The following MAPK10 variants were observed in gnomAD, a reference collection of about 807,000 sequenced individuals.
MAPK10 encodes JNK3 alpha protein kinase.
In MAPK10, 25 loss-of-function variants were observed where a neutral mutation model predicts 59.3. The observed-to-expected ratio is 0.42, with a 90% confidence interval of 0.31 to 0.59. The LOEUF (loss-of-function observed/expected upper bound fraction) is 0.59, where lower values mean the gene tolerates loss of function less well. Among genes scored for constraint, MAPK10 ranks in the 20% least tolerant of loss-of-function variants. The probability of loss-of-function intolerance (pLI) is 0.15; values close to 1 mark genes in which losing one functional copy is unlikely to be tolerated. For missense variants in MAPK10, 351 were observed against 568.9 expected, an observed-to-expected ratio of 0.62 and a Z score of 3.90; for synonymous variants, 190 against 200.5, an observed-to-expected ratio of 0.95 and a Z score of 0.44.
In MAPK10 at chr4:86,011,760, C is replaced by T. The variant is rs975783773; in HGVS notation, c.*5468G>A. The T allele has an allele frequency of 2.0e-5, 3 of 152,146 alleles. No individual in the cohort carries two copies. The highest frequency in any genetic ancestry group is 6.5e-5 in the Admixed American group (1 of 15,276). 9.4% of individuals were successfully genotyped at this position (152,146 alleles called of 1,614,324 possible). On this transcript the variant is annotated 3_prime_UTR_variant, in exon 14 of 14. Coordinates refer to ENST00000641462, the MANE Select transcript of MAPK10 (RefSeq NM_138982.4). ...GTTGCTTTCTATATTCCAACAGGAA[C>T]TAGGTAAAACGATAAATGTGATAAC...
intron 1 of MAPK10, among the ~76,000 whole-genome samples, chr4:86,375,101 C>T (rs115804887): frequency 3.4e-3 from 518 of 152,214 alleles, no homozygotes; most frequent in Non-Finnish European, 5.6e-3. Flanking sequence ...TAAATCATTA[C>T]AGTGATGGGA....
chr4:86,560,282 C>T (rs1432355585), intron 1 of MAPK10, among the ~76,000 whole-genome samples: 1 of 152,170 alleles, frequency 6.6e-6, no homozygotes, highest in Non-Finnish European at 1.5e-5. Context: ...TAGCAAACCT[C>T]AATTGGTGGA....
chr4:86,190,769 T>C (rs966409209), intron 3 of MAPK10, among the ~76,000 whole-genome samples: 1 of 152,202 alleles, frequency 6.6e-6, no homozygotes, highest in Non-Finnish European at 1.5e-5. Flanking sequence ...ATCTTAGTTA[T>C]TTCTTGTCCT....
At chr4:86,149,085 T>C (rs1206220331) in intron 4 of MAPK10, among the ~76,000 whole-genome samples, 1 of 152,162 alleles carries the variant, frequency 6.6e-6, no homozygotes, top group African/African-American at 2.4e-5. Context: ...CATTCCATTG[T>C]TCCCAAATTT....
At position 86,047,575 on chromosome 4, in the gene MAPK10, T is replaced by C. The variant is rs1003380027; in HGVS notation, c.1111-16144A>G. Among the ~76,000 whole-genome samples, 3 of 152,188 alleles carry C rather than the reference T, an allele frequency of 2.0e-5. No homozygotes were observed. The East Asian group carries it at 5.8e-4, about 29-fold the overall frequency. On this transcript the variant is annotated intron_variant, in intron 11 of 13. Coordinates refer to ENST00000641462, the MANE Select transcript of MAPK10 (RefSeq NM_138982.4). ...GTGTCATCACTAGCACCTTTTAGTG[T>C]AACTAAGAAGAGTAAAATGAGATAG...
chr4:86,071,044 C>A (rs1169528569), intron 9 of MAPK10, among the ~76,000 whole-genome samples: 1 of 151,720 alleles, frequency 6.6e-6, no homozygotes, highest in East Asian at 2.0e-4. Context: ...CACATCCTCT[C>A]CAGCACCTGT....
intron 2 of MAPK10, among the ~76,000 whole-genome samples, chr4:86,343,960 C>T (rs1428479859): frequency 6.6e-6 from 1 of 152,118 alleles, no homozygotes; most frequent in African/African-American, 2.4e-5. Context: ...TAAATATTTA[C>T]AATTTTATAT....
At chr4:86,391,824 A>C (rs957305036) in intron 1 of MAPK10, among the ~76,000 whole-genome samples, 5 of 152,214 alleles carry the variant, frequency 3.3e-5, no homozygotes, top group East Asian at 3.8e-4. Flanking sequence ...ATTCACACTT[A>C]CTTCCTTCCA....
At chr4:86,248,204 G>A (rs1441483518) in intron 2 of MAPK10, among the ~76,000 whole-genome samples, 1 of 152,170 alleles carries the variant, frequency 6.6e-6, no homozygotes, top group Non-Finnish European at 1.5e-5. Context: ...ATTTCTCAGT[G>A]TGTCATTGGT....
intron 3 of MAPK10, chr4:86,193,625 G>GGTCGACTT (rs1241413863): frequency 1.3e-5 from 2 of 152,490 alleles, no homozygotes; most frequent in African/African-American, 2.4e-5. Flanking sequence ...GAGCATCCCA[G>GGTCGACTT]GTCGACTTCA....
intron 1 of MAPK10, among the ~76,000 whole-genome samples, chr4:86,559,921 G>C (rs1435666885): frequency 1.4e-5 from 2 of 144,228 alleles, no homozygotes; most frequent in Admixed American, 7.1e-5. Context: ...CCTGGCAACA[G>C]AGCAAGACTT....
chr4:86,270,858 A>T (rs2094412532), intron 2 of MAPK10, among the ~76,000 whole-genome samples: 1 of 152,100 alleles, frequency 6.6e-6, no homozygotes, highest in African/African-American at 2.4e-5. Flanking sequence ...TTAATAGTTG[A>T]TGAAATATTT....
upstream of MAPK10, among the ~76,000 whole-genome samples, chr4:86,455,817 A>G (rs1014288161): frequency 3.9e-5 from 6 of 152,188 alleles, no homozygotes; most frequent in Non-Finnish European, 8.8e-5. Flanking sequence ...CTTAACAGAT[A>G]TTTACAGGAC....
intron 2 of MAPK10, among the ~76,000 whole-genome samples, chr4:86,266,658 G>C (rs1355137604): frequency 1.3e-5 from 2 of 152,104 alleles, no homozygotes; most frequent in East Asian, 1.9e-4. Flanking sequence ...ATACTTGATT[G>C]AGAAGTATGC....
chr4:86,570,704 T>C (rs779385721), intron 1 of MAPK10, among the ~76,000 whole-genome samples: 9 of 152,008 alleles, frequency 5.9e-5, no homozygotes, highest in Non-Finnish European at 1.2e-4. Context: ...ATTATGAAAA[T>C]AATAACTTGA....
chr4:86,200,965 C>T, intron 2 of MAPK10, among the ~76,000 whole-genome samples: 1 of 151,942 alleles, frequency 6.6e-6, no homozygotes, highest in African/African-American at 2.4e-5. Flanking sequence ...GATTATATTT[C>T]AGTACCCATT....
Position 86,017,059 on chromosome 4 carries a change from G to A in MAPK10, c.*169C>T, listed in dbSNP as rs1743601626. 1 of 705,584 alleles carries A rather than the reference G, an allele frequency of 1.4e-6. No homozygotes were observed. The highest frequency in any genetic ancestry group is 1.8e-5 in the African/African-American group (1 of 55,802). 43.7% of individuals were successfully genotyped at this position (705,584 alleles called of 1,614,324 possible). ...GAGCTTAGCTGCAATACAGAACCCT[G>A]GGGAAGAAGCAGGCTGAAAGATTTA... On this transcript the variant is annotated 3_prime_UTR_variant, in exon 14 of 14. Transcript: ENST00000641462. This position sits in a 1 kb window ranked among gnomAD's most constrained non-coding sequence, Gnocchi z 4.4.
At chr4:86,535,973 G>T (rs72665737) in intron 1 of MAPK10, among the ~76,000 whole-genome samples, 34,363 of 152,074 alleles carry the variant, frequency 0.23, 4,615 homozygotes, top group Admixed American at 0.3. Flanking sequence ...ATCATAAGAT[G>T]TAACCCAGAA....
chr4:86,463,515 A>G (rs558812578), intron 1 of MAPK10, among the ~76,000 whole-genome samples: 4 of 152,332 alleles, frequency 2.6e-5, no homozygotes, highest in East Asian at 3.9e-4. Flanking sequence ...TATTACTCCA[A>G]TGTTATGATC....
Sources: allele counts gnomAD v4.1 joint callset (sites outside exome capture counted in the v4.1 genomes callset), GRCh38; gene constraint gnomAD v4.1.1; non-coding constraint Gnocchi (gnomAD v3.1); transcripts MANE v1.5; gene names NCBI Gene and HGNC (gene_info 2026-07-23, HGNC 2026-07-21).